Variants in SDK2 observed in about 807,000 individuals in gnomAD.
SDK2 encodes the protein sidekick cell adhesion molecule 2.
Under a neutral mutation model 253.9 loss-of-function variants are expected in SDK2, and 105 were observed. That is an observed-to-expected ratio of 0.41 (90% CI 0.35 to 0.49). The LOEUF is 0.49. Ranked by LOEUF, SDK2 falls within the 20% of genes least tolerant of loss-of-function variation. SDK2 has a pLI of 0.06. For synonymous variants in SDK2, 1,249 were observed against 1,234.9 expected (o/e 1.01, Z -0.24); for missense variants, 2,608 against 3,003.0 (o/e 0.87, Z 3.07).
intron 1 of SDK2, among the ~76,000 whole-genome samples, chr17:73,599,892 C>T (rs1231615514): frequency 6.6e-6 from 1 of 152,206 alleles, no homozygotes; most frequent in Non-Finnish European, 1.5e-5. Flanking sequence ...AGGTAGGTGC[C>T]AAGTCCTGTC....
chr17:73,571,427 C>T (rs566067012), intron 1 of SDK2, among the ~76,000 whole-genome samples: 2 of 152,294 alleles, frequency 1.3e-5, no homozygotes, highest in African/African-American at 4.8e-5. Context: ...CTTTCCAATG[C>T]CCACAGGACA....
Position 73,415,968 on chromosome 17 carries a change from C to A in SDK2, c.2211G>T (p.Val737=), listed in dbSNP as rs778955063. Residue 737 remains valine (V), a synonymous_variant, in exon 17 of 45, where the codon GTG becomes GTT. Transcript: ENST00000392650. ...CCGTGATGTTCTTAAACTGGTACCC[C>A]ACGGGCAGCCCGGCCAGGCAGTACC... ...IIRYCLAGLP[V]GYQFKNITDA... is the part of the protein sequence containing the mutation. 3 of 1,611,214 alleles carry A rather than the reference C, an allele frequency of 1.9e-6. No individual in the cohort carries two copies. Among genetic ancestry groups the A allele is most frequent in the Non-Finnish European group, 2.5e-6 (3 of 1,178,908 alleles).
intron 1 of SDK2, among the ~76,000 whole-genome samples, chr17:73,582,089 T>C (rs1382010624): frequency 6.6e-6 from 1 of 152,182 alleles, no homozygotes; most frequent in Non-Finnish European, 1.5e-5. Flanking sequence ...CAGTGTCTGA[T>C]CTATGGCAGG....
intron 1 of SDK2, among the ~76,000 whole-genome samples, chr17:73,624,653 T>C (rs1000520151): frequency 1.3e-5 from 2 of 152,096 alleles, no homozygotes; most frequent in African/African-American, 4.8e-5. Context: ...ATTCATCAGG[T>C]CTGGGGTGAG....
intron 18 of SDK2, among the ~76,000 whole-genome samples, chr17:73,410,612 C>T (rs12453851): frequency 1 from 151,887 of 152,316 alleles, 75,731 homozygotes; most frequent in Middle Eastern, 1. Flanking sequence ...CCACCACCCC[C>T]GGCCGATAAT....
chr17:73,428,705 G>A (rs2063303240), intron 12 of SDK2, among the ~76,000 whole-genome samples: 1 of 152,062 alleles, frequency 6.6e-6, no homozygotes, highest in African/African-American at 2.4e-5. Flanking sequence ...GCTGAGGTCT[G>A]GGTCTCACCC....
intron 3 of SDK2, among the ~76,000 whole-genome samples, chr17:73,461,202 A>G (rs1599588011): frequency 1.3e-5 from 2 of 152,384 alleles, no homozygotes; most frequent in East Asian, 3.9e-4. Context: ...TGCCCTGCAC[A>G]CAGTACTTTC....
chr17:73,557,143 G>T (rs2045155637), intron 1 of SDK2, among the ~76,000 whole-genome samples: 1 of 152,164 alleles, frequency 6.6e-6, no homozygotes, highest in Non-Finnish European at 1.5e-5. Flanking sequence ...TATACAATGG[G>T]AATAATGAGA....
intron 37 of SDK2, among the ~76,000 whole-genome samples, chr17:73,365,799 G>C (rs1599488069): frequency 6.6e-6 from 1 of 152,096 alleles, no homozygotes; most frequent in East Asian, 1.9e-4. Flanking sequence ...GGGGTGTCTG[G>C]GCCTCAGAAT....
rs1367925928 is a variant in SDK2 at position 73,419,037 on chromosome 17, T to C, written c.2186+129A>G. The C allele has an allele frequency of 3.8e-6, 4 of 1,044,678 alleles. No individual in the cohort carries two copies. The African/African-American group carries it at 4.8e-5, about 12-fold the overall frequency. 64.7% of individuals were successfully genotyped at this position (1,044,678 alleles called of 1,614,324 possible). A position where few individuals can be genotyped will look rare whatever the true frequency, so the allele number is the denominator to read the frequency against. ...CTTCCTACCACTGAGTAGGCATTTCTTGTTACCTAGTCCTTCCTAGATGGC... is the reference window on the plus strand; with the variant it reads ...CTTCCTACCACTGAGTAGGCATTTCCTGTTACCTAGTCCTTCCTAGATGGC... On this transcript the variant is annotated intron_variant, in intron 16 of 44. Transcript: ENST00000392650.
At chr17:73,600,757 T>G (rs1450637747) in intron 1 of SDK2, among the ~76,000 whole-genome samples, 1 of 152,128 alleles carries the variant, frequency 6.6e-6, no homozygotes, top group Non-Finnish European at 1.5e-5. Context: ...AACAGTCCCC[T>G]CCCCAGTGCC....
intron 4 of SDK2, among the ~76,000 whole-genome samples, chr17:73,448,060 T>A (rs1209293866): frequency 1.3e-5 from 2 of 152,190 alleles, no homozygotes; most frequent in African/African-American, 4.8e-5. Flanking sequence ...GGCTTCCAGG[T>A]ATCCCCTTGG....
At chr17:73,510,937 C>A (rs1196760655) in intron 1 of SDK2, among the ~76,000 whole-genome samples, 2 of 152,140 alleles carry the variant, frequency 1.3e-5, no homozygotes, top group Non-Finnish European at 2.9e-5. Flanking sequence ...GTGTGACTAC[C>A]ACTGCTGGTC....
chr17:73,489,804 G>T (rs2063793255), intron 2 of SDK2, among the ~76,000 whole-genome samples: 1 of 152,118 alleles, frequency 6.6e-6, no homozygotes, highest in Non-Finnish European at 1.5e-5. Flanking sequence ...CTATACTTAT[G>T]CCCACCGCTA....
chr17:73,511,352 G>A lies in SDK2; in HGVS notation c.65-3755C>T, dbSNP rs535005109. 6.6e-6 allele frequency among the ~76,000 whole-genome samples: 1 copy of A among 152,270 alleles called. No homozygotes were observed. Among genetic ancestry groups the A allele is most frequent in the East Asian group, 1.9e-4 (1 of 5,178 alleles). ...TGCATATGTGTGAGCACACACACAC[G>A]CGCGAGCACGCACACGCTCTGCGCC... On this transcript the variant is annotated intron_variant, in intron 1 of 44. Coordinates refer to ENST00000392650, the MANE Select transcript of SDK2 (RefSeq NM_001144952.2). The surrounding 1 kb of genome is among the most constrained non-coding windows in gnomAD (Gnocchi z 4.9).
At chr17:73,471,868 G>A (rs945948722) in intron 3 of SDK2, among the ~76,000 whole-genome samples, 7 of 152,218 alleles carry the variant, frequency 4.6e-5, no homozygotes, top group Non-Finnish European at 8.8e-5. Flanking sequence ...ACATGTGATG[G>A]GGTCACAGGG....
chr17:73,348,716 G>T lies in SDK2; in HGVS notation c.6048C>A (p.Pro2016=), dbSNP rs191673430. The change falls in exon 44 of 45, where the codon CCC becomes CCA. Residue 2016 remains proline, a synonymous_variant. Transcript: ENST00000392650. ...AGTGCAGGCTGCCTGGGCTGGGCCTGGGGGGAGACCTGGAGAGAGCGGGGG... is the reference window on the plus strand; with the variant it reads ...AGTGCAGGCTGCCTGGGCTGGGCCTTGGGGGAGACCTGGAGAGAGCGGGGG... ...RKNGLYTRSP[P]RPSPGSLHYS... The T allele has an allele frequency of 6.9e-6, 11 of 1,605,778 alleles. No homozygotes were observed. Among genetic ancestry groups the T allele is most frequent in the African/African-American group, 4.0e-5 (3 of 74,958 alleles).
chr17:73,459,172 C>T (rs973534610), intron 3 of SDK2, among the ~76,000 whole-genome samples: 15 of 152,194 alleles, frequency 9.9e-5, no homozygotes, highest in Admixed American at 3.3e-4. Context: ...TTACCAAGGT[C>T]CCTCTGGTTC....
At chr17:73,600,943 A>G (rs2045829395) in intron 1 of SDK2, among the ~76,000 whole-genome samples, 1 of 151,882 alleles carries the variant, frequency 6.6e-6, no homozygotes, top group Non-Finnish European at 1.5e-5. Context: ...GACTCTGTGC[A>G]CAGAAACCCA....
Sources: allele counts gnomAD v4.1 joint callset (sites outside exome capture counted in the v4.1 genomes callset), GRCh38; gene constraint gnomAD v4.1.1; non-coding constraint Gnocchi (gnomAD v3.1); transcripts MANE v1.5; gene names NCBI Gene and HGNC (gene_info 2026-07-23, HGNC 2026-07-21).